The following CNTN5 variants were observed in gnomAD, a reference collection of about 807,000 sequenced individuals.
CNTN5 encodes contactin 5.
A neutral mutation model predicts 129.1 loss-of-function variants in CNTN5; 77 were observed. The observed-to-expected ratio is 0.60, with a 90% CI of 0.50 to 0.72. The LOEUF (loss-of-function observed/expected upper bound fraction) is 0.72, where lower values mean the gene tolerates loss of function less well. Among genes scored for constraint, CNTN5 ranks in the 30% least tolerant of loss-of-function variants. CNTN5 has a pLI of 0.00. For synonymous variants in CNTN5, 509 were observed against 465.6 expected (o/e 1.09, Z -1.20); for missense variants, 1,478 against 1,328.8 (o/e 1.11, Z -1.75).
At chr11:99,023,238 A>G (rs928237578) in intron 1 of CNTN5, among the ~76,000 whole-genome samples, 1 of 152,262 alleles carries the variant, frequency 6.6e-6, no homozygotes, top group Non-Finnish European at 1.5e-5. Context: ...ATGAATCATT[A>G]AAATTAGTAG....
At chr11:99,343,868 T>C (rs751206689) in intron 2 of CNTN5, among the ~76,000 whole-genome samples, 1 of 152,010 alleles carries the variant, frequency 6.6e-6, no homozygotes, top group Non-Finnish European at 1.5e-5. Flanking sequence ...TGTAATTACA[T>C]AGAGTGTGCT....
intron 6 of CNTN5, among the ~76,000 whole-genome samples, chr11:99,900,471 A>G (rs1002773144): frequency 2.0e-5 from 3 of 152,136 alleles, no homozygotes; most frequent in Admixed American, 6.5e-5. Context: ...CTTTAATGCT[A>G]TAAACATTCC....
chr11:99,476,483 A>C (rs1945376252), intron 2 of CNTN5, among the ~76,000 whole-genome samples: 1 of 152,208 alleles, frequency 6.6e-6, no homozygotes, highest in Admixed American at 6.5e-5. Context: ...ATGAGTTATG[A>C]TGCATATCAC....
rs1032437234 is a variant in CNTN5, at chr11:100,280,289, C to G, written c.2314+9048C>G. Among the ~76,000 whole-genome samples the G allele has an allele frequency of 2.6e-5, 4 of 152,056 alleles. No homozygotes were observed. The East Asian group carries it at 5.8e-4, about 22-fold the overall frequency. ...GAAAGTGAGGTGTTAAAGTCTCCAG[C>G]TATTATTGCAGTGAGGCGTATCTCT... On this transcript the variant is annotated intron_variant, in intron 18 of 24. Transcript: ENST00000524871.
At chr11:99,321,639 G>T (rs1192503369) in intron 1 of CNTN5, among the ~76,000 whole-genome samples, 3 of 152,062 alleles carry the variant, frequency 2.0e-5, no homozygotes, top group East Asian at 1.9e-4. Flanking sequence ...AGAGATGTGG[G>T]CAAGAAAGGG....
At chr11:99,632,337 C>T (rs1322380863) in intron 3 of CNTN5, among the ~76,000 whole-genome samples, 1 of 152,060 alleles carries the variant, frequency 6.6e-6, no homozygotes, top group Non-Finnish European at 1.5e-5. Context: ...CTTTTCTCAA[C>T]TGAACTGCAA....
chr11:99,289,295 A>T (rs1036724505), intron 1 of CNTN5, among the ~76,000 whole-genome samples: 1 of 151,812 alleles, frequency 6.6e-6, no homozygotes, highest in Admixed American at 6.6e-5. Flanking sequence ...CCATTTAAAT[A>T]GTCACAAAAC....
chr11:99,537,153 C>T (rs1947931550), intron 2 of CNTN5, among the ~76,000 whole-genome samples: 7 of 152,100 alleles, frequency 4.6e-5, no homozygotes, highest in Admixed American at 4.6e-4. Flanking sequence ...AGCTGAAATT[C>T]AAACCTGGAT....
rs572070612 is a variant in CNTN5, at chr11:99,913,011, A to G, written c.578-3043A>G. Among the ~76,000 whole-genome samples, 4 of 152,166 alleles carry G rather than the reference A, an allele frequency of 2.6e-5. No homozygotes were observed. The East Asian group carries it at 7.7e-4, about 29-fold the overall frequency. ...GTATTTTTGACCTTGTGTAATTGCA[A>G]TAAAACAATTCAAGCCAATATCTAT... On this transcript the variant is annotated intron_variant, in intron 6 of 24. Coordinates refer to ENST00000524871, the MANE Select transcript of CNTN5 (RefSeq NM_014361.4).
intron 2 of CNTN5, among the ~76,000 whole-genome samples, chr11:99,365,246 T>C (rs539153103): frequency 6.6e-6 from 1 of 152,318 alleles, no homozygotes; most frequent in African/African-American, 2.4e-5. Flanking sequence ...ACATTTCTCA[T>C]AGAGTGGCTA....
intron 8 of CNTN5, among the ~76,000 whole-genome samples, 188 bp downstream of exon 8, chr11:99,957,197 T>C (rs182352064): frequency 8.5e-4 from 130 of 152,236 alleles, no homozygotes; most frequent in African/African-American, 3.1e-3. Flanking sequence ...ACATAAGAAA[T>C]TGATGATCCA....
chr11:99,059,697 C>A (rs976287477), intron 1 of CNTN5, among the ~76,000 whole-genome samples: 3 of 151,980 alleles, frequency 2.0e-5, no homozygotes, highest in Non-Finnish European at 4.4e-5. Flanking sequence ...ATTAATAGTT[C>A]TATTAATATT....
chr11:100,269,564 T>TA (rs962984992), intron 17 of CNTN5, among the ~76,000 whole-genome samples: 1 of 152,120 alleles, frequency 6.6e-6, no homozygotes, highest in Non-Finnish European at 1.5e-5. Flanking sequence ...GTCCACCCCT[T>TA]AATAAGGGTA....
intron 1 of CNTN5, among the ~76,000 whole-genome samples, chr11:99,030,959 A>G (rs556496343): frequency 5.4e-4 from 81 of 149,270 alleles, no homozygotes; most frequent in Non-Finnish European, 1.1e-3. Context: ...TTTTATTTTT[A>G]TTTTTATTTT....
At chr11:99,829,410 A>G (rs977714574) in intron 4 of CNTN5, among the ~76,000 whole-genome samples, 2 of 152,206 alleles carry the variant, frequency 1.3e-5, no homozygotes, top group Non-Finnish European at 2.9e-5. Context: ...TATGTTTGAA[A>G]ATAATCAAGA....
intron 3 of CNTN5, among the ~76,000 whole-genome samples, chr11:99,795,460 G>A (rs1945898668): frequency 6.6e-6 from 1 of 152,094 alleles, no homozygotes; most frequent in Admixed American, 6.6e-5. Flanking sequence ...ATTTTCTGGG[G>A]AACTAGCATG....
intron 1 of CNTN5, among the ~76,000 whole-genome samples, chr11:99,275,607 A>G (rs1863392042): frequency 6.6e-6 from 1 of 151,608 alleles, no homozygotes; most frequent in Admixed American, 6.6e-5. Flanking sequence ...TGAATCTGTG[A>G]GCAGTTTTGT....
At chr11:99,804,069 A>C (rs1192425764) in intron 3 of CNTN5, among the ~76,000 whole-genome samples, 2 of 152,110 alleles carry the variant, frequency 1.3e-5, no homozygotes, top group Non-Finnish European at 1.5e-5. Context: ...CACATGTCAG[A>C]AAATACTCAA....
chr11:100,055,570 A>G (rs1943184670), intron 9 of CNTN5, among the ~76,000 whole-genome samples: 1 of 137,440 alleles, frequency 7.3e-6, no homozygotes, highest in Admixed American at 7.3e-5. Context: ...ATTAGTTTAT[A>G]GGTGCTTTTA....
Sources: gnomAD v4.1 joint callset for allele counts (sites outside exome capture counted in the v4.1 genomes callset) on GRCh38, gnomAD v4.1.1 for gene constraint, MANE v1.5 for transcripts, NCBI Gene and HGNC (gene_info 2026-07-23, HGNC 2026-07-21) for gene names.